CENPI: variants seen among roughly 807,000 people sequenced by gnomAD.
CENPI encodes centromere protein I.
A neutral mutation model predicts 60.4 loss-of-function variants in CENPI; 4 were observed. The observed-to-expected ratio is 0.07, with a 90% CI of 0.03 to 0.15. CENPI has a LOEUF of 0.15. Ranked by LOEUF, CENPI falls within the 10% of genes least tolerant of loss-of-function variation. The pLI, the probability that CENPI is intolerant of heterozygous loss-of-function variation, is 1.00. For missense variants in CENPI, 444 were observed against 534.5 expected (o/e 0.83, Z 1.67); for synonymous variants, 157 against 189.4 (o/e 0.83, Z 1.40).
chrX:101,103,707 C>T (rs974083847), intron 4 of CENPI, among the ~76,000 whole-genome samples: 8 of 112,040 alleles, frequency 7.1e-5, no homozygotes, highest in African/African-American at 2.6e-4. Context: ...TTACTGTTCT[C>T]TTCATAAGAC....
chrX:101,145,248 A>G, intron 17 of CENPI, 49 bp downstream of exon 17: 4 of 1,033,410 alleles, frequency 3.9e-6, no homozygotes, highest in Non-Finnish European at 5.3e-6. Flanking sequence ...AAGGCTATCC[A>G]CTTTATTGGC....
chrX:101,113,031 T>C (rs186830986), intron 6 of CENPI, among the ~76,000 whole-genome samples: 9 of 110,142 alleles, frequency 8.2e-5, no homozygotes, highest in Middle Eastern at 4.6e-3. Context: ...TTCCTATTCT[T>C]GTTTGGAAGT....
At position 101,100,340 on chromosome X, in the gene CENPI, G is replaced by A. The variant is rs919290166; in HGVS notation, c.-13-718G>A. 2.7e-5 allele frequency: 3 copies of A among 111,740 alleles called. 1 individual carries two copies. In the Admixed American group the frequency reaches 2.9e-4, roughly 11 times the overall value. The allele number at this position is 111,740 out of a possible 1,213,427, so 9.2% of individuals were successfully genotyped here. A position where few individuals can be genotyped will look rare whatever the true frequency, so the allele number is the denominator to read the frequency against. ...GCACTGACAAATTTAGGAGCATAAA[G>A]ATTAAAAGCAAAATCAAGGAGAAGT... On this transcript the variant is annotated intron_variant, in intron 2 of 21. Coordinates refer to ENST00000682095, the MANE Select transcript of CENPI (RefSeq NM_001386188.2).
At chrX:101,103,037 C>G (rs1441199705) in intron 4 of CENPI, among the ~76,000 whole-genome samples, 2 of 105,001 alleles carry the variant, frequency 1.9e-5, no homozygotes, top group Non-Finnish European at 3.9e-5. Context: ...CTCCATCGCC[C>G]AGGCTGGAGT....
intron 18 of CENPI, among the ~76,000 whole-genome samples, chrX:101,146,805 G>T (rs780853233): frequency 2.6e-4 from 29 of 110,936 alleles, no homozygotes; most frequent in Middle Eastern, 4.6e-3. Context: ...CATGATCTCG[G>T]CTCACTGCAA....
chrX:101,172,135 G>A, the CENPI span, among the ~76,000 whole-genome samples: 1 of 111,701 alleles, frequency 9.0e-6, no homozygotes, highest in Non-Finnish European at 1.9e-5. Context: ...AGATAGACAG[G>A]CATAATAAGA....
intron 4 of CENPI, among the ~76,000 whole-genome samples, chrX:101,102,996 A>AT (rs1470312770): frequency 2.7e-4 from 17 of 62,260 alleles, no homozygotes; most frequent in East Asian, 9.7e-4. Flanking sequence ...GGCCGAGGGG[A>AT]TTTTTTTTTC....
chrX:101,166,232 T>C (rs769822481), downstream of CENPI, among the ~76,000 whole-genome samples: 39 of 112,015 alleles, frequency 3.5e-4, no homozygotes, highest in Non-Finnish European at 6.4e-4. Context: ...CTCAGCTCAC[T>C]GCAACCTCTG....
chrX:101,139,390 T>C (rs5921734), intron 15 of CENPI, among the ~76,000 whole-genome samples: 3,703 of 110,975 alleles, frequency 0.033, 52 homozygotes, highest in Non-Finnish European at 0.055. Context: ...CCACCACGCC[T>C]GGCCAAGATT....
At chrX:101,159,625 A>T (rs2090088390) in intron 20 of CENPI, among the ~76,000 whole-genome samples, 1 of 109,739 alleles carries the variant, frequency 9.1e-6, no homozygotes, top group Non-Finnish European at 1.9e-5. Flanking sequence ...TGCCCAGCTA[A>T]TTTTTTTTGT....
chrX:101,178,784 A>G, the CENPI span, among the ~76,000 whole-genome samples: 1 of 111,830 alleles, frequency 8.9e-6, no homozygotes, highest in South Asian at 3.7e-4. Flanking sequence ...GTTAATAACT[A>G]CAGTAGCTCT....
At chrX:101,120,614 AG>A in intron 7 of CENPI, 123 bp from the exon 8 acceptor site, 1 of 694,831 alleles carries the variant, frequency 1.4e-6, no homozygotes, top group Non-Finnish European at 2.2e-6. Context: ...TTAACTGAAC[AG>A]GTATTTATTT....
the CENPI span, among the ~76,000 whole-genome samples, chrX:101,178,412 T>C: frequency 1.2e-5 from 1 of 80,131 alleles, no homozygotes; most frequent in African/African-American, 4.6e-5. Flanking sequence ...TTTTTTTTTT[T>C]TTTTTTTTTT....
chrX:101,107,700 C>G (rs758908958), intron 4 of CENPI, among the ~76,000 whole-genome samples: 16 of 108,998 alleles, frequency 1.5e-4, no homozygotes, highest in Middle Eastern at 4.3e-3. Context: ...TGGAGTTTCA[C>G]TCTTGTAGCC....
At chrX:101,172,196 A>G in the CENPI span, among the ~76,000 whole-genome samples, 3 of 111,869 alleles carry the variant, frequency 2.7e-5, no homozygotes, top group Non-Finnish European at 5.6e-5. Context: ...ATAGTCATGT[A>G]TTGCTGGTTG....
intron 13 of CENPI, among the ~76,000 whole-genome samples, chrX:101,131,839 TTACA>T (rs754502356): frequency 5.7e-4 from 64 of 111,963 alleles, no homozygotes; most frequent in African/African-American, 2.0e-3. Context: ...TCTAGCCCTA[TTACA>T]TAATATTGTA....
intron 20 of CENPI, among the ~76,000 whole-genome samples, chrX:101,151,580 G>T (rs1396067716): frequency 5.4e-5 from 6 of 111,200 alleles, no homozygotes; most frequent in African/African-American, 2.0e-4. Context: ...GCCTGTAATC[G>T]CAGCACTTTG....
At chrX:101,109,075 G>GTTT (rs869245080) in intron 4 of CENPI, among the ~76,000 whole-genome samples, 623 of 47,236 alleles carry the variant, frequency 0.013, 10 homozygotes, top group Non-Finnish European at 0.019. Context: ...GAGGTGTGGT[G>GTTT]TTTTTTTTTT....
intron 20 of CENPI, among the ~76,000 whole-genome samples, chrX:101,153,082 C>T (rs2090022295): frequency 9.2e-6 from 1 of 109,013 alleles, no homozygotes; most frequent in Non-Finnish European, 1.9e-5. Flanking sequence ...ATTTTCTCCA[C>T]CTCTTTCCTA....
Sources: gnomAD v4.1 joint callset for allele counts (sites outside exome capture counted in the v4.1 genomes callset) on GRCh38, gnomAD v4.1.1 for gene constraint, MANE v1.5 for transcripts, NCBI Gene and HGNC (gene_info 2026-07-23, HGNC 2026-07-21) for gene names.